Variants in SPAG1 observed in about 807,000 individuals in gnomAD.
SPAG1 encodes the protein sperm associated antigen 1.
A neutral mutation model predicts 100.5 loss-of-function variants in SPAG1; 69 were observed. The ratio of observed to expected loss-of-function variants is 0.69; its 90% CI spans 0.57 to 0.84. The LOEUF is 0.84. SPAG1 is among the 40% of genes least tolerant of loss of function. The pLI, the probability that SPAG1 is intolerant of heterozygous loss-of-function variation, is 0.00. For synonymous variants in SPAG1, 336 were observed against 411.6 expected, an observed-to-expected ratio of 0.82 and a Z score of 2.22; for missense variants, 955 against 1,133.1, an observed-to-expected ratio of 0.84 and a Z score of 2.26.
chr8:100,163,890 A>T (rs761395347), intron 2 of SPAG1, among the ~76,000 whole-genome samples: 12 of 152,234 alleles, frequency 7.9e-5, no homozygotes, highest in Non-Finnish European at 1.5e-4. Context: ...CTACAGTTAT[A>T]ATAATGTTGG....
chr8:100,221,430 C>T lies in SPAG1; in HGVS notation c.1688+999C>T, dbSNP rs368432969. 1.6e-4 allele frequency among the ~76,000 whole-genome samples: 25 copies of T among 152,196 alleles called. No individual in the cohort carries two copies. The East Asian group carries it at 3.1e-3, about 19-fold the overall frequency. On this transcript the variant is annotated intron_variant, in intron 13 of 18. Coordinates refer to ENST00000388798, the MANE Select transcript of SPAG1 (RefSeq NM_003114.5). Reference sequence around the variant, plus strand: ...CTTCCAGACTTCATCAATTGCTTTCCGGTGAAATTTGAAAATTAACTAGTT... The same window carrying T: ...CTTCCAGACTTCATCAATTGCTTTCTGGTGAAATTTGAAAATTAACTAGTT...
At position 100,165,928 on chromosome 8, in the gene SPAG1, C is replaced by T. The variant is rs765492266; in HGVS notation, c.255C>T (p.Ala85=). 2 of 1,614,080 alleles carry T rather than the reference C, an allele frequency of 1.2e-6. No homozygotes were observed. Among genetic ancestry groups the T allele is most frequent in the Non-Finnish European group, 1.7e-6 (2 of 1,180,006 alleles). Residue 85 remains alanine (A), a synonymous_variant, in exon 3 of 19, where the codon GCC becomes GCT. Coordinates refer to ENST00000388798, the MANE Select transcript of SPAG1 (RefSeq NM_003114.5). ...AAGATAAACCAGCAGCAACAGCAGC[C>T]AGTTTTACAGCTGAAGAATGGGAAA... ...LRKDKPAATA[A]SFTAEEWEKI...
intron 10 of SPAG1, among the ~76,000 whole-genome samples, chr8:100,206,519 T>C (rs1817524665): frequency 1.3e-5 from 2 of 152,310 alleles, no homozygotes; most frequent in Middle Eastern, 3.4e-3. Context: ...ACTGGACTTA[T>C]TGGTGAGACA....
chr8:100,203,078 A>C (rs188140503), intron 10 of SPAG1, among the ~76,000 whole-genome samples: 34 of 152,300 alleles, frequency 2.2e-4, no homozygotes, highest in Admixed American at 1.0e-3. Context: ...AAAGAGATTA[A>C]CATTAAGTCT....
chr8:100,192,466 C>T (rs1257109158), intron 9 of SPAG1, among the ~76,000 whole-genome samples: 1 of 152,200 alleles, frequency 6.6e-6, no homozygotes, highest in African/African-American at 2.4e-5. Context: ...AATACTATTT[C>T]TGTTTGCCAA....
chr8:100,179,026 T>C (rs1476445230), intron 4 of SPAG1, among the ~76,000 whole-genome samples: 4 of 141,238 alleles, frequency 2.8e-5, no homozygotes, highest in South Asian at 2.3e-4. Context: ...ACCCAGGAGA[T>C]GGAGGTTGCA....
intron 10 of SPAG1, among the ~76,000 whole-genome samples, chr8:100,207,770 A>G (rs1817568948): frequency 6.6e-6 from 1 of 152,188 alleles, no homozygotes. Context: ...CACTCACTTT[A>G]TGGCTAAAGA....
chr8:100,229,345 G>A (rs916535675), intron 14 of SPAG1, among the ~76,000 whole-genome samples: 13 of 152,178 alleles, frequency 8.5e-5, no homozygotes, highest in African/African-American at 1.4e-4. Flanking sequence ...GCGTGAACCC[G>A]GCAGGTGGAG....
chr8:100,220,556 T>A, intron 13 of SPAG1, 125 bp downstream of exon 13: 1 of 700,038 alleles, frequency 1.4e-6, no homozygotes, highest in Non-Finnish European at 2.3e-6. Flanking sequence ...AATGATTGCC[T>A]TCTTTTATTC....
At chr8:100,167,760 C>T (rs1339893166) in intron 3 of SPAG1, among the ~76,000 whole-genome samples, 1 of 152,166 alleles carries the variant, frequency 6.6e-6, no homozygotes, top group African/African-American at 2.4e-5. Context: ...TTTTGACAAA[C>T]GTATATGATA....
At chr8:100,205,618 GC>G (rs1018452598) in intron 10 of SPAG1, among the ~76,000 whole-genome samples, 30 of 152,262 alleles carry the variant, frequency 2.0e-4, no homozygotes, top group Middle Eastern at 6.8e-3. Context: ...CCAAATGGAA[GC>G]CACTAGAGCT....
upstream of SPAG1, chr8:100,158,391 G>C (rs1815155580): frequency 6.6e-6 from 1 of 152,276 alleles, no homozygotes; most frequent in Admixed American, 6.5e-5. Context: ...CAAGCCAGGG[G>C]CTGGGGAGCA....
chr8:100,180,759 CTTG>C (rs1301348755), intron 4 of SPAG1, among the ~76,000 whole-genome samples: 7 of 152,206 alleles, frequency 4.6e-5, no homozygotes, highest in Admixed American at 2.0e-4. Flanking sequence ...TGATATGGAA[CTTG>C]AGCACTAGTG....
intron 12 of SPAG1, among the ~76,000 whole-genome samples, 160 bp downstream of exon 12, chr8:100,214,078 T>A (rs10108892): frequency 9.8e-4 from 150 of 152,344 alleles, no homozygotes; most frequent in African/African-American, 3.5e-3. Context: ...TTATCTTACG[T>A]ATATGAAGAG....
At chr8:100,176,838 CCTCTT>C (rs1320532184) in intron 3 of SPAG1, among the ~76,000 whole-genome samples, 6 of 137,256 alleles carry the variant, frequency 4.4e-5, no homozygotes, top group African/African-American at 7.7e-5. Context: ...CCTCTCCTCT[CCTCTT>C]CTCTCTCCTC....
At chr8:100,196,794 T>C (rs1402625747) in intron 10 of SPAG1, among the ~76,000 whole-genome samples, 1 of 152,170 alleles carries the variant, frequency 6.6e-6, no homozygotes, top group African/African-American at 2.4e-5. Flanking sequence ...AGTTTTTCTT[T>C]TTCAGAGATA....
At position 100,239,202 on chromosome 8, in the gene SPAG1, A is replaced by G. The variant is rs755745666; in HGVS notation, c.2116-38A>G. 3 of 1,374,550 alleles carry G rather than the reference A, an allele frequency of 2.2e-6. No homozygotes were observed. The highest frequency in any genetic ancestry group is 2.4e-5 in the East Asian group (1 of 41,572). 85.1% of individuals were successfully genotyped at this position (1,374,550 alleles called of 1,614,324 possible). On this transcript the variant is annotated intron_variant, in intron 16 of 18. Transcript: ENST00000388798. This position sits in a 1 kb window ranked among gnomAD's most constrained non-coding sequence, Gnocchi z 5.0. ...ACTCAGGTTACTCTAGGCTCCTTCTATTTATGAAAGTTATTTTCTCTGTCT... is the reference window on the plus strand; with the variant it reads ...ACTCAGGTTACTCTAGGCTCCTTCTGTTTATGAAAGTTATTTTCTCTGTCT...
At chr8:100,207,373 G>T (rs1166527167) in intron 10 of SPAG1, among the ~76,000 whole-genome samples, 2 of 152,178 alleles carry the variant, frequency 1.3e-5, no homozygotes, top group Non-Finnish European at 2.9e-5. Flanking sequence ...GCCTCCTGGG[G>T]AGTTTCCTGT....
Position 100,213,240 on chromosome 8 carries a change from A to G in SPAG1, c.1247A>G (p.Lys416Arg), listed in dbSNP as rs1479330948. The G allele has an allele frequency of 2.0e-5, 27 of 1,324,090 alleles. No homozygotes were observed. The highest frequency in any genetic ancestry group is 2.4e-5 in the Non-Finnish European group (25 of 1,039,674). The allele number at this position is 1,324,090 out of a possible 1,614,324, so 82.0% of individuals were successfully genotyped here. A position where few individuals can be genotyped will look rare whatever the true frequency, so the allele number is the denominator to read the frequency against. Reference sequence around the variant, plus strand: ...CAGACCCCGGAGGCCGGCGCGGACAAGCGGAGCCCACGGCGGGCCTCTGCG... The same window carrying G: ...CAGACCCCGGAGGCCGGCGCGGACAGGCGGAGCCCACGGCGGGCCTCTGCG... ...RGQTPEAGAD[K>R]RSPRRASAAA... Residue 416 changes from lysine (K) to arginine (R), a missense_variant, in exon 11 of 19, where the codon AAG (lysine) becomes AGG (arginine). Transcript: ENST00000388798.
Sources: allele counts gnomAD v4.1 joint callset (sites outside exome capture counted in the v4.1 genomes callset), GRCh38; gene constraint gnomAD v4.1.1; non-coding constraint Gnocchi (gnomAD v3.1); transcripts MANE v1.5; gene names NCBI Gene and HGNC (gene_info 2026-07-23, HGNC 2026-07-21).